NAALADL2: variants seen among roughly 807,000 people sequenced by gnomAD.
NAALADL2 encodes the protein inactive N-acetylated-alpha-linked acidic dipeptidase-like protein 2.
In NAALADL2, 76 loss-of-function variants were observed where a neutral mutation model predicts 87.2. The observed-to-expected ratio is 0.87, with a 90% CI of 0.72 to 1.05. The LOEUF (loss-of-function observed/expected upper bound fraction) is 1.05. Ranked by LOEUF, NAALADL2 falls within the 50% of genes least tolerant of loss-of-function variation. NAALADL2 has a pLI of 0.00. For synonymous variants in NAALADL2, 354 were observed against 331.0 expected, an observed-to-expected ratio of 1.07 and a Z score of -0.75; for missense variants, 1,089 against 945.8, an observed-to-expected ratio of 1.15 and a Z score of -1.99.
intron 5 of NAALADL2, among the ~76,000 whole-genome samples, chr3:175,446,741 A>AT (rs1720768915): frequency 6.6e-6 from 1 of 152,142 alleles, no homozygotes; most frequent in South Asian, 2.1e-4. Flanking sequence ...TTGCAGCCCT[A>AT]TTTTAATAGG....
intron 2 of NAALADL2, among the ~76,000 whole-genome samples, chr3:175,117,930 C>G (rs1449319617): frequency 6.6e-6 from 1 of 151,996 alleles, no homozygotes; most frequent in Non-Finnish European, 1.5e-5. Context: ...GAATACTATG[C>G]AGCCATAAAA....
intron 2 of NAALADL2, among the ~76,000 whole-genome samples, chr3:175,117,997 G>T (rs1019042011): frequency 6.6e-6 from 1 of 151,772 alleles, no homozygotes; most frequent in Non-Finnish European, 1.5e-5. Flanking sequence ...CCATCATTCT[G>T]AGCAAACTAT....
intron 2 of NAALADL2, among the ~76,000 whole-genome samples, chr3:174,671,122 G>T (rs1341891326): frequency 1.3e-5 from 2 of 152,028 alleles, no homozygotes; most frequent in South Asian, 2.1e-4. Flanking sequence ...ACAGGCTGTG[G>T]TACCGTGAAC....
intron 2 of NAALADL2, among the ~76,000 whole-genome samples, chr3:175,167,401 C>T (rs765024807): frequency 1.3e-5 from 2 of 152,044 alleles, no homozygotes; most frequent in Non-Finnish European, 2.9e-5. Flanking sequence ...AAATGTGTGG[C>T]TTCCAAAGCA....
intron 9 of NAALADL2, among the ~76,000 whole-genome samples, chr3:175,525,198 A>AT (rs1733220509): frequency 6.6e-6 from 1 of 152,016 alleles, no homozygotes; most frequent in Non-Finnish European, 1.5e-5. Context: ...CTAATTTTTC[A>AT]TTTTTTAACA....
chr3:175,805,241 T>A lies in NAALADL2; in HGVS notation c.*2038T>A, dbSNP rs1234357779. On this transcript the variant is annotated 3_prime_UTR_variant, in exon 14 of 14. Coordinates refer to ENST00000454872, the MANE Select transcript of NAALADL2 (RefSeq NM_207015.3). ...ATTTTAGAACAAATTTCTAAATTAATTTATTCCCATAACCTACAATAGCAC... is the reference window on the plus strand; with the variant it reads ...ATTTTAGAACAAATTTCTAAATTAAATTATTCCCATAACCTACAATAGCAC... The A allele has an allele frequency of 6.6e-6, 1 of 151,928 alleles. No homozygotes were observed. The highest frequency in any genetic ancestry group is 1.9e-4 in the East Asian group (1 of 5,182). 9.4% of individuals were successfully genotyped at this position (151,928 alleles called of 1,614,324 possible). A position where few individuals can be genotyped will look rare whatever the true frequency, so the allele number is the denominator to read the frequency against.
chr3:175,675,360 T>A (rs1204593105), intron 11 of NAALADL2: 1 of 152,230 alleles, frequency 6.6e-6, no homozygotes, highest in Non-Finnish European at 1.5e-5. Context: ...GTAACCTCTT[T>A]GAGTGTGAAT....
chr3:175,550,167 C>A (rs973498453), intron 9 of NAALADL2, among the ~76,000 whole-genome samples: 2 of 152,078 alleles, frequency 1.3e-5, no homozygotes, highest in African/African-American at 4.8e-5. Context: ...AGTTAACAGA[C>A]AGCCACTGAC....
intron 3 of NAALADL2, among the ~76,000 whole-genome samples, chr3:174,793,612 A>G (rs1035821510): frequency 2.6e-5 from 4 of 152,154 alleles, no homozygotes; most frequent in African/African-American, 7.2e-5. Context: ...TGGCTGTGTC[A>G]TCAGAAGTAT....
chr3:174,574,270 T>G lies in NAALADL2; in HGVS notation c.-115+23633T>G, dbSNP rs533723460. On this transcript the variant is annotated intron_variant, in intron 2 of 3. Coordinates refer to the NAALADL2 transcript ENST00000434257. ...TTTTTTGTAGATTTTGATAAAATTT[T>G]TACTACTTTCATAATGTGTGTTGAA... Among the ~76,000 whole-genome samples the G allele has an allele frequency of 5.3e-5, 8 of 152,302 alleles. No homozygotes were observed. In the South Asian group the frequency reaches 1.4e-3, roughly 28 times the overall value.
chr3:175,012,572 G>A (rs533100279), intron 1 of NAALADL2, among the ~76,000 whole-genome samples: 26 of 152,052 alleles, frequency 1.7e-4, no homozygotes, highest in Admixed American at 1.2e-3. Context: ...AACGTGTTAC[G>A]GACATTATAT....
chr3:175,368,737 G>A (rs576769941), intron 5 of NAALADL2, among the ~76,000 whole-genome samples: 4 of 152,162 alleles, frequency 2.6e-5, no homozygotes, highest in African/African-American at 7.2e-5. Context: ...ACATTGTGTA[G>A]CCTCCTAAAC....
chr3:175,433,219 G>GT (rs1347757432), intron 5 of NAALADL2, among the ~76,000 whole-genome samples: 1 of 152,046 alleles, frequency 6.6e-6, no homozygotes, highest in South Asian at 2.1e-4. Flanking sequence ...TTCTTTTCCA[G>GT]TAACATCCCA....
At chr3:174,818,511 T>A (rs1721046340) in intron 3 of NAALADL2, among the ~76,000 whole-genome samples, 1 of 152,186 alleles carries the variant, frequency 6.6e-6, no homozygotes, top group South Asian at 2.1e-4. Flanking sequence ...TTTATTTGAA[T>A]ATAAAAATAA....
chr3:174,925,128 G>A (rs1028354472), intron 1 of NAALADL2, among the ~76,000 whole-genome samples: 1 of 152,114 alleles, frequency 6.6e-6, no homozygotes, highest in African/African-American at 2.4e-5. Context: ...TGGTGTTTTA[G>A]ACATGAAGTC....
At chr3:174,930,385 A>G (rs1736687143) in intron 1 of NAALADL2, among the ~76,000 whole-genome samples, 1 of 151,924 alleles carries the variant, frequency 6.6e-6, no homozygotes, top group Non-Finnish European at 1.5e-5. Context: ...AGCTATTTTG[A>G]GTAATCCTTT....
intron 13 of NAALADL2, among the ~76,000 whole-genome samples, chr3:175,789,547 G>A (rs1752525163): frequency 6.6e-6 from 1 of 152,078 alleles, no homozygotes; most frequent in Non-Finnish European, 1.5e-5. Context: ...GAGTAATGTT[G>A]TTTTCAGGTT....
chr3:175,357,360 T>C (rs188795638), intron 5 of NAALADL2, among the ~76,000 whole-genome samples: 1 of 152,348 alleles, frequency 6.6e-6, no homozygotes, highest in Admixed American at 6.5e-5. Context: ...AAAGGAGTTT[T>C]ATTCATAGGA....
At chr3:174,498,531 T>C (rs1198920104) in intron 1 of NAALADL2, among the ~76,000 whole-genome samples, 1 of 151,508 alleles carries the variant, frequency 6.6e-6, no homozygotes, top group African/African-American at 2.4e-5. Context: ...TGTATAGACC[T>C]GTGCTTTTAT....
Sources: gnomAD v4.1 joint callset for allele counts (sites outside exome capture counted in the v4.1 genomes callset) on GRCh38, gnomAD v4.1.1 for gene constraint, MANE v1.5 for transcripts, NCBI Gene and HGNC (gene_info 2026-07-23, HGNC 2026-07-21) for gene names.